The following PLOD1 variants were observed in gnomAD, a reference collection of about 807,000 sequenced individuals.
The protein encoded by PLOD1 is procollagen-lysine,2-oxoglutarate 5-dioxygenase 1.
In PLOD1, 70 loss-of-function variants were observed where a neutral mutation model predicts 94.7. That is an observed-to-expected ratio of 0.74 (90% CI 0.61 to 0.90). The LOEUF is 0.90. Among genes scored for constraint, PLOD1 ranks in the 40% least tolerant of loss-of-function variants. The probability of loss-of-function intolerance (pLI) is 0.00; values close to 1 mark genes in which losing one functional copy is unlikely to be tolerated. For missense variants in PLOD1, 905 were observed against 972.7 expected (o/e 0.93, Z 0.93); for synonymous variants, 417 against 400.2 (o/e 1.04, Z -0.50).
rs1414804776 is a variant in PLOD1 at position 11,972,789 on chromosome 1, G to T, written c.1903-83G>T. On this transcript the variant is annotated intron_variant, in intron 17 of 18. Transcript: ENST00000196061. The surrounding 1 kb of genome is among the most constrained non-coding windows in gnomAD (Gnocchi z 4.6). ...GCTGACCTGCAGCAGGCCAGACCAG[G>T]CCCCATGTGTGCACCCTCCTCTCCT... The T allele has an allele frequency of 6.6e-7, 1 of 1,522,250 alleles. No individual in the cohort carries two copies. Among genetic ancestry groups the T allele is most frequent in the Non-Finnish European group, 9.1e-7 (1 of 1,097,800 alleles). The allele number at this position is 1,522,250 out of a possible 1,614,324, so 94.3% of individuals were successfully genotyped here.
chr1:11,940,753 A>G (rs1645609695), intron 1 of PLOD1, among the ~76,000 whole-genome samples: 1 of 152,232 alleles, frequency 6.6e-6, no homozygotes, highest in Admixed American at 6.5e-5. Flanking sequence ...TGGCTGGACC[A>G]GACAGAAAGC....
chr1:11,952,271 G>A (rs11585018), intron 4 of PLOD1, among the ~76,000 whole-genome samples: 20,762 of 152,204 alleles, frequency 0.14, 2,145 homozygotes, highest in African/African-American at 0.29. Flanking sequence ...CCAGATAACT[G>A]TAAAAAGGGA....
intron 9 of PLOD1, among the ~76,000 whole-genome samples, chr1:11,959,364 A>G (rs1645762139): frequency 6.6e-6 from 1 of 152,060 alleles, no homozygotes; most frequent in Non-Finnish European, 1.5e-5. Context: ...AACTGTTGTC[A>G]TCTTCACTTC....
chr1:11,970,374 A>G (rs1645852502), intron 16 of PLOD1, among the ~76,000 whole-genome samples: 1 of 152,216 alleles, frequency 6.6e-6, no homozygotes, highest in African/African-American at 2.4e-5. Context: ...TTGAGGCTGC[A>G]GTGAGCTGAA....
intron 1 of PLOD1, among the ~76,000 whole-genome samples, chr1:11,939,914 T>C (rs72640298): frequency 0.047 from 7,229 of 152,284 alleles, 267 homozygotes; most frequent in South Asian, 0.14. Context: ...ATCATTCTTC[T>C]CTTAAAAGTT....
intron 1 of PLOD1, among the ~76,000 whole-genome samples, chr1:11,942,675 C>T (rs959953739): frequency 2.0e-5 from 3 of 152,226 alleles, no homozygotes; most frequent in East Asian, 1.9e-4. Flanking sequence ...TGTTGTGAAC[C>T]GCCTCCCAGA....
At position 11,957,077 on chromosome 1, in the gene PLOD1, T is replaced by G; in HGVS notation, c.741+63T>G. On this transcript the variant is annotated intron_variant, in intron 7 of 18. Transcript: ENST00000196061. This position sits in a 1 kb window ranked among gnomAD's most constrained non-coding sequence, Gnocchi z 4.1. ...GCCAGAGCCCTAATTTCATTCTCACTGTGACCCCACAGTGTCTCCCTGGGG... is the reference window on the plus strand; with the variant it reads ...GCCAGAGCCCTAATTTCATTCTCACGGTGACCCCACAGTGTCTCCCTGGGG... 9.1e-7 allele frequency: 1 copy of G among 1,096,594 alleles called. No individual in the cohort carries two copies. The highest frequency in any genetic ancestry group is 1.4e-6 in the Non-Finnish European group (1 of 707,308). 67.9% of individuals were successfully genotyped at this position (1,096,594 alleles called of 1,614,324 possible).
In PLOD1 at chr1:11,973,015, G is replaced by T. The variant is rs754069605; in HGVS notation, c.2028+18G>T. ...ATTACGAGGTGAGCAGGAGCCAGCCGGGGTCAAGGGGCCGGCAATGGGGAT... is the reference window on the plus strand; with the variant it reads ...ATTACGAGGTGAGCAGGAGCCAGCCTGGGTCAAGGGGCCGGCAATGGGGAT... On this transcript the variant is annotated intron_variant, in intron 18 of 18. Coordinates refer to ENST00000196061, the MANE Select transcript of PLOD1 (RefSeq NM_000302.4). 6.2e-7 allele frequency: 1 copy of T among 1,613,532 alleles called. No homozygotes were observed. The highest frequency in any genetic ancestry group is 1.1e-5 in the South Asian group (1 of 91,078).
Position 11,937,251 on chromosome 1 carries a change from T to C in PLOD1, c.76+2396T>C, listed in dbSNP as rs370526106. Among the ~76,000 whole-genome samples the C allele has an allele frequency of 1.9e-3, 290 of 152,286 alleles. 1 individual carries two copies. The highest frequency in any genetic ancestry group is 6.6e-3 in the African/African-American group (276 of 41,554). Reference sequence around the variant, plus strand: ...GGTGCTTGCTCTCTGTGAGGCTTGGTGTTCTAGCCTGCAAGACCCGGTGAT... The same window carrying C: ...GGTGCTTGCTCTCTGTGAGGCTTGGCGTTCTAGCCTGCAAGACCCGGTGAT... On this transcript the variant is annotated intron_variant, in intron 1 of 18. Transcript: ENST00000196061.
intron 1 of PLOD1, among the ~76,000 whole-genome samples, chr1:11,939,856 C>T (rs1645604297): frequency 6.6e-6 from 1 of 152,202 alleles, no homozygotes; most frequent in Admixed American, 6.5e-5. Flanking sequence ...GATCCACCCG[C>T]CTTGGCCTCC....
chr1:11,960,573 G>A, intron 9 of PLOD1, 73 bp from the exon 10 acceptor site: 2 of 1,058,054 alleles, frequency 1.9e-6, no homozygotes, highest in Non-Finnish European at 1.5e-6. Flanking sequence ...GTGACAGGAG[G>A]TGCTACAGTC....
chr1:11,966,295 G>C lies in PLOD1; in HGVS notation c.1629G>C (p.Leu543=), dbSNP rs764355890. The C allele has an allele frequency of 1.6e-5, 26 of 1,607,998 alleles. 2 individuals are homozygous for C. The South Asian group carries it at 2.9e-4, about 18-fold the overall frequency. The change falls in exon 15 of 19, where the codon CTG becomes CTC. Residue 543 remains leucine, a synonymous_variant. Transcript: ENST00000196061. ...KYIHQNYTKA[L]AGKLVETPCP... is the part of the protein sequence containing the mutation. ...TCCACCAGAACTACACCAAAGCCCT[G>C]GCAGGGAAGCTGGTGGAGACGGTAA... is the stretch of plus-strand genomic sequence containing the variant.
chr1:11,973,901 T>C (rs372979829), intron 18 of PLOD1, among the ~76,000 whole-genome samples: 83 of 152,288 alleles, frequency 5.5e-4, no homozygotes, highest in African/African-American at 1.9e-3. Context: ...TGGCAGTACC[T>C]GGAGACATAA....
chr1:11,960,171 C>T (rs1399403294), intron 9 of PLOD1, among the ~76,000 whole-genome samples: 1 of 152,032 alleles, frequency 6.6e-6, no homozygotes, highest in East Asian at 1.9e-4. Context: ...GTGGTTTCAC[C>T]ATCTTGGCCA....
intron 1 of PLOD1, among the ~76,000 whole-genome samples, chr1:11,946,611 G>A (rs1645656233): frequency 6.6e-6 from 1 of 152,182 alleles, no homozygotes; most frequent in African/African-American, 2.4e-5. Flanking sequence ...TGGGCTAATT[G>A]TCTATCATTG....
At chr1:11,966,466 TGGG>T (rs1569727309) in intron 15 of PLOD1, 150 bp downstream of exon 15, 1 of 59,112 alleles carries the variant, frequency 1.7e-5, no homozygotes, top group Non-Finnish European at 3.2e-5. Context: ...GGATGGGAGT[TGGG>T]GGTGGCGGGA....
rs1645692483 is a variant in PLOD1 at position 11,950,476 on chromosome 1, A to G, written c.422A>G (p.Lys141Arg). 6.2e-7 allele frequency: 1 copy of G among 1,614,108 alleles called. No individual in the cohort carries two copies. Among genetic ancestry groups the G allele is most frequent in the Non-Finnish European group, 8.5e-7 (1 of 1,180,006 alleles). Reference protein sequence around the residue: ...LIYPDRRLETKYPVVSDGKRF... With the variant: ...LIYPDRRLETRYPVVSDGKRF... ...TACCCAGACCGCAGGCTGGAGACCA[A>G]GTATCCGGTGGTGTCCGATGGCAAG... is the stretch of plus-strand genomic sequence containing the variant. Residue 141 changes from lysine to arginine, a missense_variant, in exon 4 of 19, where the codon AAG becomes AGG. Transcript: ENST00000196061.
chr1:11,949,946 G>A (rs890601288), intron 3 of PLOD1, 40 bp downstream of exon 3: 1 of 1,601,816 alleles, frequency 6.2e-7, no homozygotes, highest in African/African-American at 1.3e-5. Flanking sequence ...CCCCTCCGCG[G>A]AAGATAGAAG....
intron 6 of PLOD1, among the ~76,000 whole-genome samples, chr1:11,955,631 T>C (rs1295554493): frequency 2.0e-5 from 3 of 152,020 alleles, no homozygotes; most frequent in African/African-American, 7.2e-5. Context: ...CCTTTTTTTT[T>C]CTTCTTTTTT....
Sources: allele counts gnomAD v4.1 joint callset (sites outside exome capture counted in the v4.1 genomes callset), GRCh38; gene constraint gnomAD v4.1.1; non-coding constraint Gnocchi (gnomAD v3.1); transcripts MANE v1.5; gene names NCBI Gene and HGNC (gene_info 2026-07-23, HGNC 2026-07-21).